RAD51B: variants seen among roughly 807,000 people sequenced by gnomAD.
The protein encoded by RAD51B is DNA repair protein RAD51 homolog 2.
A neutral mutation model predicts 42.2 loss-of-function variants in RAD51B; 38 were observed. The observed-to-expected ratio is 0.90, with a 90% CI of 0.70 to 1.18. RAD51B has a LOEUF of 1.18. Ranked by LOEUF, RAD51B falls within the 50% of genes most tolerant of loss-of-function variation. The pLI, the probability that RAD51B is intolerant of heterozygous loss-of-function variation, is 0.00. For synonymous variants in RAD51B, 154 were observed against 145.2 expected (o/e 1.06, Z -0.43); for missense variants, 373 against 400.7 (o/e 0.93, Z 0.59).
At chr14:68,162,990 G>T (rs935771435) in intron 7 of RAD51B, among the ~76,000 whole-genome samples, 1 of 152,222 alleles carries the variant, frequency 6.6e-6, no homozygotes, top group South Asian at 2.1e-4. Context: ...ACACTTCAGA[G>T]AAATCAACCT....
intron 7 of RAD51B, among the ~76,000 whole-genome samples, chr14:67,941,637 G>T (rs939648110): frequency 6.6e-6 from 1 of 152,180 alleles, no homozygotes; most frequent in African/African-American, 2.4e-5. Flanking sequence ...TCTGTGTCAG[G>T]ACTGGGGGTT....
intron 3 of RAD51B, among the ~76,000 whole-genome samples, chr14:67,833,833 C>G (rs1196468850): frequency 1.3e-5 from 2 of 152,152 alleles, no homozygotes; most frequent in Non-Finnish European, 2.9e-5. Flanking sequence ...AAGTTTTTAT[C>G]CCCACTACTA....
chr14:68,102,277 C>A (rs1264990359), intron 7 of RAD51B, among the ~76,000 whole-genome samples: 1 of 152,214 alleles, frequency 6.6e-6, no homozygotes, highest in East Asian at 1.9e-4. Context: ...TAACATTTGA[C>A]TCCTTGCTAC....
At chr14:68,188,130 A>T (rs1223577448) in intron 7 of RAD51B, among the ~76,000 whole-genome samples, 1 of 152,114 alleles carries the variant, frequency 6.6e-6, no homozygotes, top group Non-Finnish European at 1.5e-5. Context: ...ATATTTTATA[A>T]AACCCTTTGT....
At chr14:67,889,989 A>G (rs1355296059) in intron 7 of RAD51B, among the ~76,000 whole-genome samples, 2 of 152,206 alleles carry the variant, frequency 1.3e-5, no homozygotes, top group Admixed American at 1.3e-4. Flanking sequence ...GGGATGGAAG[A>G]TGCGGAACCT....
intron 10 of RAD51B, among the ~76,000 whole-genome samples, chr14:68,645,960 A>G (rs1892556514): frequency 6.6e-6 from 1 of 152,214 alleles, no homozygotes; most frequent in African/African-American, 2.4e-5. Flanking sequence ...TCAAATAAAC[A>G]ATGAATAATT....
chr14:68,445,382 G>A (rs1028618595), intron 9 of RAD51B, among the ~76,000 whole-genome samples: 1 of 152,044 alleles, frequency 6.6e-6, no homozygotes, highest in Non-Finnish European at 1.5e-5. Context: ...AAACAACAAC[G>A]ACAGTAACAA....
chr14:68,600,502 C>T (rs1398452838), downstream of RAD51B, among the ~76,000 whole-genome samples: 1 of 152,116 alleles, frequency 6.6e-6, no homozygotes, highest in Non-Finnish European at 1.5e-5. Flanking sequence ...CCACAGGGCT[C>T]GGCATTGGCA....
At chr14:68,543,804 T>C (rs1888087020) in intron 10 of RAD51B, among the ~76,000 whole-genome samples, 1 of 152,216 alleles carries the variant, frequency 6.6e-6, no homozygotes, top group Non-Finnish European at 1.5e-5. Context: ...TCCTATTTGG[T>C]AGATAAGGCA....
intron 7 of RAD51B, among the ~76,000 whole-genome samples, chr14:68,171,515 C>G (rs61985099): frequency 6.6e-6 from 1 of 151,742 alleles, no homozygotes; most frequent in Admixed American, 6.6e-5. Flanking sequence ...TGGCCCGGCT[C>G]GTCTCAAACT....
intron 8 of RAD51B, among the ~76,000 whole-genome samples, chr14:68,314,079 C>G (rs1332533870): frequency 6.6e-6 from 1 of 152,310 alleles, no homozygotes; most frequent in Middle Eastern, 3.4e-3. Flanking sequence ...ATTCCTCCTC[C>G]TACTTCCTCA....
chr14:68,088,205 A>G (rs1214563722), intron 7 of RAD51B, among the ~76,000 whole-genome samples: 1 of 151,248 alleles, frequency 6.6e-6, no homozygotes, highest in Non-Finnish European at 1.5e-5. Context: ...TTGTAAGGAC[A>G]AAGGTTTTGT....
chr14:68,426,188 C>T (rs916053091), intron 9 of RAD51B, among the ~76,000 whole-genome samples: 1 of 151,812 alleles, frequency 6.6e-6, no homozygotes, highest in African/African-American at 2.4e-5. Flanking sequence ...CCCACCTCAG[C>T]CTCCCGAGTA....
chr14:68,638,890 G>A (rs922726339), intron 10 of RAD51B, among the ~76,000 whole-genome samples: 1 of 152,162 alleles, frequency 6.6e-6, no homozygotes, highest in African/African-American at 2.4e-5. Flanking sequence ...AGACAGGAGT[G>A]GACAGGATGC....
chr14:68,067,813 T>C (rs2076678239), intron 7 of RAD51B, among the ~76,000 whole-genome samples: 1 of 151,386 alleles, frequency 6.6e-6, no homozygotes, highest in South Asian at 2.1e-4. Context: ...GCACCTACAG[T>C]CCTAGCTACT....
chr14:68,138,045 C>T (rs1566674082), intron 7 of RAD51B, among the ~76,000 whole-genome samples: 1 of 152,186 alleles, frequency 6.6e-6, no homozygotes, highest in Non-Finnish European at 1.5e-5. Context: ...TTGCCTTGCT[C>T]ATCCAGCCAT....
intron 7 of RAD51B, among the ~76,000 whole-genome samples, chr14:67,890,290 C>T (rs1225144438): frequency 2.0e-5 from 3 of 151,662 alleles, no homozygotes; most frequent in Non-Finnish European, 4.4e-5. Context: ...ACAATGAATC[C>T]GAAAAGTGAC....
chr14:68,290,573 A>G (rs928014709), intron 7 of RAD51B, among the ~76,000 whole-genome samples: 7 of 152,184 alleles, frequency 4.6e-5, no homozygotes, highest in African/African-American at 1.2e-4. Context: ...TTTATTTTGT[A>G]TAAGTAGGAT....
chr14:68,619,257 G>C (rs558546427), intron 10 of RAD51B, among the ~76,000 whole-genome samples: 1 of 152,086 alleles, frequency 6.6e-6, no homozygotes, highest in Non-Finnish European at 1.5e-5. Context: ...GGTGGATCAC[G>C]AGGTCCAGAG....
Sources: allele counts gnomAD v4.1 joint callset (sites outside exome capture counted in the v4.1 genomes callset), GRCh38; gene constraint gnomAD v4.1.1; transcripts MANE v1.5; gene names NCBI Gene and HGNC (gene_info 2026-07-23, HGNC 2026-07-21).